The following ECT2L variants were observed in gnomAD, a reference collection of about 807,000 sequenced individuals.
The protein encoded by ECT2L is epithelial cell-transforming sequence 2 oncogene-like.
In ECT2L, 126 loss-of-function variants were observed where a neutral mutation model predicts 122.8. The ratio of observed to expected loss-of-function variants is 1.03; its 90% confidence interval spans 0.89 to 1.19. The LOEUF is 1.19. Ranked by LOEUF, ECT2L falls within the 50% of genes most tolerant of loss-of-function variation. The pLI is 0.00. For synonymous variants in ECT2L, 385 were observed against 381.8 expected (o/e 1.01, Z -0.10); for missense variants, 1,012 against 1,064.1 (o/e 0.95, Z 0.68).
At chr6:138,881,248 G>A in intron 15 of ECT2L, 77 bp downstream of exon 15, 1 of 1,390,642 alleles carries the variant, frequency 7.2e-7, no homozygotes, top group Non-Finnish European at 9.9e-7. Flanking sequence ...TTCAAAAGCA[G>A]TATGGAGGTG....
chr6:138,832,745 T>G (rs55747302), intron 4 of ECT2L, among the ~76,000 whole-genome samples: 53,499 of 150,690 alleles, frequency 0.36, 9,681 homozygotes, highest in Admixed American at 0.47. Flanking sequence ...CTTGTGTTTT[T>G]TTGTTGTTTT....
rs1172466449 is a variant in ECT2L, at chr6:138,864,002, TAAAAAAAAAA to T, written c.1292-976_1292-967del. On this transcript the variant is annotated intron_variant, in intron 11 of 21. Coordinates refer to ENST00000541398, the MANE Select transcript of ECT2L (RefSeq NM_001077706.3). ...CTCTCTTGTTCTCATTCTCCGTATT[TAAAAAAAAAA>T]AAAAAAAAAAAAAAAAAGCATGTTG... 4.8e-4 allele frequency among the ~76,000 whole-genome samples: 27 copies of T among 55,872 alleles called. 1 individual carries two copies. The South Asian group carries it at 0.017, about 34-fold the overall frequency. 36.7% of individuals were successfully genotyped at this position (55,872 alleles called of 152,430 possible).
At chr6:138,811,837 T>C (rs887117983) in intron 1 of ECT2L, among the ~76,000 whole-genome samples, 1 of 152,004 alleles carries the variant, frequency 6.6e-6, no homozygotes, top group African/African-American at 2.4e-5. Context: ...TACAGGTGTG[T>C]GCCACTATGC....
rs1007040676 is a variant in ECT2L, at chr6:138,903,360, C to CAAAAAAAAAAG, written c.*745_*755dup. ...GGGTGACAAGAGCGAACCTCTGTCT[C>CAAAAAAAAAAG]AAAAAAAAAAGAAAAAAAAAAGGAC... On this transcript the variant is annotated 3_prime_UTR_variant, in exon 22 of 22. Coordinates refer to ENST00000541398, the MANE Select transcript of ECT2L (RefSeq NM_001077706.3). 1 of 116,922 alleles carries CAAAAAAAAAAG rather than the reference C, an allele frequency of 8.6e-6. No homozygotes were observed. Among genetic ancestry groups the CAAAAAAAAAAG allele is most frequent in the African/African-American group, 3.3e-5 (1 of 30,582 alleles). 7.2% of individuals were successfully genotyped at this position (116,922 alleles called of 1,614,324 possible).
At chr6:138,806,033 C>A (rs1775699778) in intron 1 of ECT2L, among the ~76,000 whole-genome samples, 2 of 152,208 alleles carry the variant, frequency 1.3e-5, no homozygotes, top group African/African-American at 4.8e-5. Flanking sequence ...TTATTTCATA[C>A]CAAGACACCA....
Position 138,882,788 on chromosome 6 carries a change from A to G in ECT2L, c.1945A>G (p.Ile649Val), listed in dbSNP as rs1255957132. The part of the protein sequence containing the change: ...EWGPAHCVGE[I>V]VTKFGSQLNT... ...GGGCCCAGCTCACTGTGTGGGAGAA[A>G]TAGTCACGAAGTTTGGAAGCCAGTT... The change falls in exon 16 of 22, where the codon ATA (isoleucine) becomes GTA (valine). Residue 649 changes from isoleucine to valine, a missense_variant. Physicochemically the swap from Ile to Val is conservative, Grantham distance 29. Coordinates refer to ENST00000541398, the MANE Select transcript of ECT2L (RefSeq NM_001077706.3). 6.2e-7 allele frequency: 1 copy of G among 1,614,086 alleles called. No individual in the cohort carries two copies. The highest frequency in any genetic ancestry group is 1.1e-5 in the South Asian group (1 of 91,080).
At chr6:138,824,583 A>AAAC (rs756166980) in intron 4 of ECT2L, among the ~76,000 whole-genome samples, 14 of 150,976 alleles carry the variant, frequency 9.3e-5, no homozygotes, top group Non-Finnish European at 1.9e-4. Context: ...AACAAAAACA[A>AAAC]AAAAAACACA....
At chr6:138,876,707 C>A in intron 14 of ECT2L, 149 bp downstream of exon 14, 1 of 585,642 alleles carries the variant, frequency 1.7e-6, no homozygotes, top group African/African-American at 1.9e-5. Flanking sequence ...AGAGAGAATT[C>A]AGCTGGCAGA....
chr6:138,886,949 T>A (rs1036791631), intron 19 of ECT2L, 27 bp downstream of exon 19: 9 of 1,583,528 alleles, frequency 5.7e-6, no homozygotes, highest in Non-Finnish European at 7.8e-6. Flanking sequence ...ACTTGCTGTA[T>A]CTCATGCTCA....
chr6:138,818,837 G>C (rs997518712), intron 4 of ECT2L, among the ~76,000 whole-genome samples: 11 of 152,110 alleles, frequency 7.2e-5, no homozygotes, highest in African/African-American at 2.7e-4. Flanking sequence ...ACCTGGGGGA[G>C]GGTGGAGGAT....
chr6:138,854,181 A>T (rs371347697), intron 10 of ECT2L, 27 bp downstream of exon 10: 6 of 1,578,976 alleles, frequency 3.8e-6, no homozygotes, highest in Non-Finnish European at 5.2e-6. Flanking sequence ...TTATAGAGAG[A>T]CAGTGGCCAT....
At chr6:138,882,245 C>T (rs1169943265) in intron 15 of ECT2L, among the ~76,000 whole-genome samples, 2 of 152,170 alleles carry the variant, frequency 1.3e-5, no homozygotes, top group African/African-American at 4.8e-5. Context: ...CAGTGGGCCC[C>T]AGCTCCTACA....
At chr6:138,842,463 A>G (rs1777072279) in intron 5 of ECT2L, among the ~76,000 whole-genome samples, 2 of 150,794 alleles carry the variant, frequency 1.3e-5, no homozygotes. Flanking sequence ...TCCATCTCAA[A>G]AAAAAAACAT....
intron 15 of ECT2L, among the ~76,000 whole-genome samples, chr6:138,881,484 A>C (rs1333375249): frequency 6.6e-6 from 1 of 152,008 alleles, no homozygotes; most frequent in African/African-American, 2.4e-5. Flanking sequence ...TACACAGAGC[A>C]GGGGTGGGGG....
In ECT2L at chr6:138,854,104, C is replaced by T; in HGVS notation, c.1148C>T (p.Thr383Ile). 2 of 1,614,146 alleles carry T rather than the reference C, an allele frequency of 1.2e-6. No homozygotes were observed. The highest frequency in any genetic ancestry group is 1.7e-6 in the Non-Finnish European group (2 of 1,180,024). The change falls in exon 10 of 22, where the codon ACT becomes ATT. Residue 383 changes from threonine (T) to isoleucine (I), a missense_variant. Transcript: ENST00000541398. ...FWEKLGSYVA[T>I]EEEGGHVDFF... ...GAGAAATTAGGAAGCTATGTGGCCA[C>T]TGAAGAAGAAGGGGGTCACGTGGAC...
chr6:138,814,526 G>T lies in ECT2L; in HGVS notation c.102G>T (p.Trp34Cys). Residue 34 changes from tryptophan (W) to cysteine (C), a missense_variant, in exon 4 of 22, where the codon TGG (tryptophan) becomes TGT (cysteine). By Grantham distance (215) the Trp-to-Cys change is radical. Coordinates refer to ENST00000541398, the MANE Select transcript of ECT2L (RefSeq NM_001077706.3). ...AAAGAGTGGCTCTTATAAGTCATTGGTTTGACCTCTGGACTAACAAGCAAC... is the reference window on the plus strand; with the variant it reads ...AAAGAGTGGCTCTTATAAGTCATTGTTTTGACCTCTGGACTAACAAGCAAC... Reference protein sequence around the residue: ...FQERVALISHWFDLWTNKQRQ... With the variant: ...FQERVALISHCFDLWTNKQRQ... 1 of 1,611,696 alleles carries T rather than the reference G, an allele frequency of 6.2e-7. No individual in the cohort carries two copies. Among genetic ancestry groups the T allele is most frequent in the South Asian group, 1.1e-5 (1 of 90,836 alleles).
In ECT2L at chr6:138,888,954, A is replaced by G; in HGVS notation, c.2337A>G (p.Glu779=). 6.8e-7 allele frequency: 1 copy of G among 1,478,192 alleles called. No homozygotes were observed. The highest frequency in any genetic ancestry group is 9.1e-7 in the Non-Finnish European group (1 of 1,103,014). The allele number at this position is 1,478,192 out of a possible 1,614,324, so 91.6% of individuals were successfully genotyped here. Residue 779 remains glutamate, a synonymous_variant, in exon 20 of 22, where the codon GAA becomes GAG. Coordinates refer to ENST00000541398, the MANE Select transcript of ECT2L (RefSeq NM_001077706.3). The part of the protein sequence containing the change: ...RIIWGCPTLS[E]VNRYLIRVQD... The stretch of plus-strand genomic sequence containing the variant: ...TTTTGATTTTACAGACTCTATCAGA[A>G]GTAAACAGATATCTGATTAGGGTAC...
At chr6:138,808,708 T>G (rs1413688778) in intron 1 of ECT2L, among the ~76,000 whole-genome samples, 2 of 150,672 alleles carry the variant, frequency 1.3e-5, no homozygotes, top group East Asian at 3.9e-4. Flanking sequence ...AATGACAATT[T>G]AATTTTTTCC....
rs549909405 is a variant in ECT2L at position 138,850,865 on chromosome 6, G to A, written c.1069+1431G>A. ...AAAAACACAAAATTAGCTGGGTGTG[G>A]TAGTACATGCCTGAAATCCCAGCTA... On this transcript the variant is annotated intron_variant, in intron 9 of 21. Transcript: ENST00000541398. Among the ~76,000 whole-genome samples, 16 of 151,964 alleles carry A rather than the reference G, an allele frequency of 1.1e-4. No homozygotes were observed. The South Asian group carries it at 2.5e-3, about 24-fold the overall frequency.
Sources: gnomAD v4.1 joint callset for allele counts (sites outside exome capture counted in the v4.1 genomes callset) on GRCh38, gnomAD v4.1.1 for gene constraint, MANE v1.5 for transcripts, NCBI Gene and HGNC (gene_info 2026-07-23, HGNC 2026-07-21) for gene names.